The following DOCK3 variants were observed in gnomAD, a reference collection of about 807,000 sequenced individuals.
DOCK3 encodes dedicator of cytokinesis 3.
In DOCK3, 60 loss-of-function variants were observed where a neutral mutation model predicts 265.6. That is an observed-to-expected ratio of 0.23 (90% CI 0.18 to 0.28). DOCK3 has a LOEUF of 0.28. Among genes scored for constraint, DOCK3 ranks in the 10% least tolerant of loss-of-function variants. The probability of loss-of-function intolerance (pLI) is 1.00; values close to 1 mark genes in which losing one functional copy is unlikely to be tolerated. For synonymous variants in DOCK3, 881 were observed against 938.0 expected (o/e 0.94, Z 1.11); for missense variants, 1,981 against 2,594.3 (o/e 0.76, Z 5.14).
Position 51,160,516 on chromosome 3 carries a change from C to T in DOCK3, c.890-39C>T, listed in dbSNP as rs774093222. The T allele has an allele frequency of 7.6e-6, 12 of 1,573,378 alleles. No individual in the cohort carries two copies. The Admixed American group carries it at 2.3e-4, about 31-fold the overall frequency. On this transcript the variant is annotated intron_variant, in intron 11 of 52. Coordinates refer to ENST00000266037, the MANE Select transcript of DOCK3 (RefSeq NM_004947.5). Reference sequence around the variant, plus strand: ...TTAGGTGATACTGGAGAGGAGCATGCTTTTCTCAGTCTGACTGGTGTTTTC... The same window carrying T: ...TTAGGTGATACTGGAGAGGAGCATGTTTTTCTCAGTCTGACTGGTGTTTTC...
At chr3:51,139,022 C>T (rs550632842) in intron 9 of DOCK3, among the ~76,000 whole-genome samples, 1 of 152,064 alleles carries the variant, frequency 6.6e-6, no homozygotes, top group African/African-American at 2.4e-5. Context: ...ATTAAGGTAG[C>T]CTTCATCCAC....
chr3:51,101,168 C>T (rs1349002465), intron 9 of DOCK3, among the ~76,000 whole-genome samples: 1 of 137,838 alleles, frequency 7.3e-6, no homozygotes, highest in Non-Finnish European at 1.5e-5. Flanking sequence ...GGCCGGACTG[C>T]GGACTGCAGT....
intron 12 of DOCK3, among the ~76,000 whole-genome samples, chr3:51,166,455 G>A (rs2086412961): frequency 1.3e-5 from 2 of 152,180 alleles, no homozygotes; most frequent in South Asian, 4.1e-4. Flanking sequence ...ATCTCTTCAA[G>A]ATAGTGATTT....
chr3:51,195,135 G>A (rs1205202339), intron 12 of DOCK3, among the ~76,000 whole-genome samples: 1 of 151,786 alleles, frequency 6.6e-6, no homozygotes, highest in Non-Finnish European at 1.5e-5. Flanking sequence ...CGAGTTTTTT[G>A]TAAACAGCAA....
chr3:51,358,443 T>C (rs963809095), intron 46 of DOCK3, among the ~76,000 whole-genome samples: 3 of 152,190 alleles, frequency 2.0e-5, no homozygotes, highest in African/African-American at 7.2e-5. Context: ...CCTAAAGAGA[T>C]AGGCATGGCC....
intron 2 of DOCK3, among the ~76,000 whole-genome samples, chr3:50,781,677 TGGTAAAC>T (rs1350809645): frequency 6.6e-6 from 1 of 152,168 alleles, no homozygotes; most frequent in Non-Finnish European, 1.5e-5. Context: ...TTTGTTATAT[TGGTAAAC>T]TCATGTCACA....
At chr3:50,813,865 A>G (rs1347095353) in intron 2 of DOCK3, among the ~76,000 whole-genome samples, 19 of 152,240 alleles carry the variant, frequency 1.2e-4, no homozygotes, top group South Asian at 6.2e-4. Flanking sequence ...ATCTATTTCT[A>G]TAAAGTGTAA....
At chr3:51,242,275 A>T (rs1377763303) in intron 21 of DOCK3, among the ~76,000 whole-genome samples, 2 of 152,006 alleles carry the variant, frequency 1.3e-5, no homozygotes, top group African/African-American at 4.8e-5. Context: ...CTGGCTCCTT[A>T]AGGTTAGGAA....
intron 40 of DOCK3, among the ~76,000 whole-genome samples, chr3:51,354,193 T>G (rs537396605): frequency 7.3e-5 from 11 of 150,910 alleles, no homozygotes; most frequent in Admixed American, 6.0e-4. Context: ...ATAAAAGTGA[T>G]CCTTCAGAAT....
At chr3:51,218,560 A>T (rs1164689054) in intron 14 of DOCK3, among the ~76,000 whole-genome samples, 1 of 152,132 alleles carries the variant, frequency 6.6e-6, no homozygotes, top group Non-Finnish European at 1.5e-5. Context: ...GCTTTCCTGG[A>T]AAGTCTGTAC....
At chr3:51,166,204 C>T (rs889462308) in intron 12 of DOCK3, among the ~76,000 whole-genome samples, 13 of 151,956 alleles carry the variant, frequency 8.6e-5, no homozygotes, top group Non-Finnish European at 1.2e-4. Flanking sequence ...GTGCCCACCA[C>T]CATGCCCAGC....
At chr3:51,059,679 A>G (rs1447572939) in intron 5 of DOCK3, among the ~76,000 whole-genome samples, 1 of 151,984 alleles carries the variant, frequency 6.6e-6, no homozygotes, top group Non-Finnish European at 1.5e-5. Flanking sequence ...ATTGCTTTTT[A>G]TTTCTCTGAG....
At chr3:50,871,298 G>GTT (rs1431338705) in intron 3 of DOCK3, among the ~76,000 whole-genome samples, 9 of 141,940 alleles carry the variant, frequency 6.3e-5, no homozygotes, top group Non-Finnish European at 6.2e-5. Context: ...TTGGGTAAAA[G>GTT]TTTTTTTTTT....
At chr3:50,875,829 A>G (rs1020179184) in intron 3 of DOCK3, among the ~76,000 whole-genome samples, 5 of 151,582 alleles carry the variant, frequency 3.3e-5, no homozygotes, top group Non-Finnish European at 5.9e-5. Context: ...TGAAGTTGCA[A>G]TCATCTCTTC....
intron 9 of DOCK3, among the ~76,000 whole-genome samples, chr3:51,130,622 C>T (rs1278276915): frequency 2.6e-5 from 4 of 152,228 alleles, no homozygotes; most frequent in Non-Finnish European, 5.9e-5. Context: ...TGATGGGAAT[C>T]ACCACCCGTA....
At chr3:50,736,199 C>G (rs1437886228) in intron 1 of DOCK3, among the ~76,000 whole-genome samples, 5 of 152,106 alleles carry the variant, frequency 3.3e-5, no homozygotes, top group Non-Finnish European at 5.9e-5. Context: ...TGGTTTCCAG[C>G]TTCATCCATG....
intron 1 of DOCK3, among the ~76,000 whole-genome samples, chr3:50,750,322 ATTTTTTTTT>A (rs34249464): frequency 2.7e-5 from 2 of 73,644 alleles, no homozygotes; most frequent in East Asian, 3.2e-4. Context: ...TCTACCTTTG[ATTTTTTTTT>A]TTTTTTTTTT....
intron 9 of DOCK3, 111 bp downstream of exon 9, chr3:51,090,495 G>C (rs1469018850): frequency 1.7e-6 from 2 of 1,163,814 alleles, no homozygotes; most frequent in Non-Finnish European, 2.3e-6. Flanking sequence ...ACAAGATAAA[G>C]TAACCTCATC....
At chr3:51,234,885 A>G (rs2078289564) in intron 19 of DOCK3, among the ~76,000 whole-genome samples, 1 of 152,242 alleles carries the variant, frequency 6.6e-6, no homozygotes, top group African/African-American at 2.4e-5. Context: ...AAAGCCCATC[A>G]GGTGAATCCT....
Sources: gnomAD v4.1 joint callset for allele counts (sites outside exome capture counted in the v4.1 genomes callset) on GRCh38, gnomAD v4.1.1 for gene constraint, MANE v1.5 for transcripts, NCBI Gene and HGNC (gene_info 2026-07-23, HGNC 2026-07-21) for gene names.